Variants in SOX5 observed in about 807,000 individuals in gnomAD.
SOX5 encodes transcription factor SOX-5.
SOX5 carries 9 observed loss-of-function variants against 92.0 expected under a neutral mutation model. The observed-to-expected ratio is 0.10, with a 90% CI of 0.06 to 0.17. The LOEUF is 0.17. SOX5 is among the 10% of genes least tolerant of loss of function. SOX5 has a pLI of 1.00. For missense variants in SOX5, 642 were observed against 944.5 expected (o/e 0.68, Z 4.20); for synonymous variants, 344 against 336.3 (o/e 1.02, Z -0.25).
rs543012777 is a variant in SOX5, at chr12:23,778,145, A to T, written c.482-22421T>A. 2.8e-3 allele frequency among the ~76,000 whole-genome samples: 428 copies of T among 152,332 alleles called. 1 individual carries two copies. Among genetic ancestry groups the T allele is most frequent in the Non-Finnish European group, 2.3e-3 (156 of 68,020 alleles). On this transcript the variant is annotated intron_variant, in intron 3 of 14. Transcript: ENST00000451604. The stretch of plus-strand genomic sequence containing the variant: ...TTGTCCTTCCTAACTTTACAACTGT[A>T]ACCCAGTTTAAATGTGACTCCGTTG...
At position 23,621,312 on chromosome 12, in the gene SOX5, G is replaced by A. The variant is rs576703860; in HGVS notation, c.1018-16779C>T. Among the ~76,000 whole-genome samples, 10 of 152,070 alleles carry A rather than the reference G, an allele frequency of 6.6e-5. No individual in the cohort carries two copies. In the East Asian group the frequency reaches 1.9e-3, roughly 29 times the overall value. ...TGGGGGAAGAGGAAATAAGAAATAG[G>A]AAATAATTGATAAATACAGAGGTTC... is the stretch of plus-strand genomic sequence containing the variant. On this transcript the variant is annotated intron_variant, in intron 8 of 14. Coordinates refer to ENST00000451604, the MANE Select transcript of SOX5 (RefSeq NM_006940.6).
At chr12:23,691,965 T>C (rs991587805) in intron 6 of SOX5, among the ~76,000 whole-genome samples, 3 of 152,182 alleles carry the variant, frequency 2.0e-5, no homozygotes, top group Non-Finnish European at 1.5e-5. Context: ...CAGTGACTCA[T>C]TAATTTTCTT....
intron 7 of SOX5, among the ~76,000 whole-genome samples, chr12:23,654,856 G>A (rs2082116893): frequency 6.6e-6 from 1 of 151,944 alleles, no homozygotes; most frequent in Admixed American, 6.6e-5. Context: ...ATTCGAGAGA[G>A]TAAAATAAAT....
intron 1 of SOX5, among the ~76,000 whole-genome samples, chr12:24,497,293 G>C (rs1159198620): frequency 6.6e-6 from 1 of 152,146 alleles, no homozygotes; most frequent in Non-Finnish European, 1.5e-5. Context: ...TTTTGTTTGA[G>C]TATGTTTATT....
At chr12:23,539,252 A>G (rs1941367953) in intron 13 of SOX5, among the ~76,000 whole-genome samples, 1 of 152,166 alleles carries the variant, frequency 6.6e-6, no homozygotes, top group Non-Finnish European at 1.5e-5. Flanking sequence ...GTTTGTTTGT[A>G]TATTTCCTAC....
intron 9 of SOX5, among the ~76,000 whole-genome samples, chr12:23,581,547 G>A (rs190791677): frequency 0.011 from 1,726 of 152,006 alleles, 37 homozygotes; most frequent in African/African-American, 0.04. Flanking sequence ...CCAGTCTAAA[G>A]GCAACAGATA....
intron 4 of SOX5, among the ~76,000 whole-genome samples, chr12:24,112,446 C>A (rs1327668936): frequency 1.3e-5 from 2 of 151,578 alleles, no homozygotes; most frequent in East Asian, 1.9e-4. Context: ...GTCTGTTGAC[C>A]CCTATTGGAG....
intron 1 of SOX5, among the ~76,000 whole-genome samples, chr12:24,508,001 G>A (rs1391117761): frequency 6.6e-6 from 1 of 152,086 alleles, no homozygotes; most frequent in African/African-American, 2.4e-5. Context: ...ACTGACCCAA[G>A]GCAAAGTATG....
chr12:23,748,471 T>G (rs2094072330), intron 4 of SOX5, among the ~76,000 whole-genome samples: 1 of 151,994 alleles, frequency 6.6e-6, no homozygotes, highest in Non-Finnish European at 1.5e-5. Flanking sequence ...ATTGTTTTAC[T>G]CCACACAAAT....
At chr12:24,299,494 T>C (rs1306114667) in intron 2 of SOX5, among the ~76,000 whole-genome samples, 8 of 152,180 alleles carry the variant, frequency 5.3e-5, no homozygotes, top group South Asian at 4.1e-4. Flanking sequence ...TCAGAGATTA[T>C]AACCTATCCA....
chr12:24,187,903 T>C (rs1956172056), intron 4 of SOX5, among the ~76,000 whole-genome samples: 1 of 152,196 alleles, frequency 6.6e-6, no homozygotes, highest in African/African-American at 2.4e-5. Context: ...CCTATTAATA[T>C]CACTACTTAG....
At chr12:23,593,081 A>G (rs574344768) in intron 9 of SOX5, among the ~76,000 whole-genome samples, 1 of 84,238 alleles carries the variant, frequency 1.2e-5, no homozygotes, top group African/African-American at 3.1e-5. Flanking sequence ...CCTGTCTCAA[A>G]AATAAATAAA....
chr12:24,552,508 A>C (rs1953294887), intron 1 of SOX5, among the ~76,000 whole-genome samples: 1 of 152,242 alleles, frequency 6.6e-6, no homozygotes. Context: ...GTGGTTTTCA[A>C]CTGGCTGACT....
intron 8 of SOX5, among the ~76,000 whole-genome samples, chr12:23,624,388 C>T (rs556052807): frequency 1.3e-5 from 2 of 152,106 alleles, no homozygotes; most frequent in Admixed American, 1.3e-4. Context: ...ACAGAGGATT[C>T]ACACAAATTA....
At chr12:23,730,980 G>A (rs541806244) in intron 6 of SOX5, among the ~76,000 whole-genome samples, 1 of 152,288 alleles carries the variant, frequency 6.6e-6, no homozygotes, top group Admixed American at 6.5e-5. Context: ...AGTGGCCTAG[G>A]TGGGGAACAT....
chr12:23,648,694 T>C (rs928344991), intron 7 of SOX5, among the ~76,000 whole-genome samples: 1 of 152,112 alleles, frequency 6.6e-6, no homozygotes, highest in African/African-American at 2.4e-5. Flanking sequence ...CTATACAGCA[T>C]ACAGAGCTGT....
At chr12:24,040,701 T>C (rs1956429892) in intron 4 of SOX5, among the ~76,000 whole-genome samples, 1 of 152,050 alleles carries the variant, frequency 6.6e-6, no homozygotes, top group Admixed American at 6.5e-5. Flanking sequence ...TGAAACCCCA[T>C]CTCTACTGAA....
intron 4 of SOX5, among the ~76,000 whole-genome samples, chr12:24,147,987 A>T (rs1178373687): frequency 1.3e-5 from 2 of 152,194 alleles, no homozygotes; most frequent in Non-Finnish European, 2.9e-5. Flanking sequence ...CATTCCATAG[A>T]TTATGAACAA....
At chr12:24,426,260 T>C (rs1238481865) in intron 1 of SOX5, among the ~76,000 whole-genome samples, 1 of 150,934 alleles carries the variant, frequency 6.6e-6, no homozygotes, top group Non-Finnish European at 1.5e-5. Context: ...TAGGTGGGAA[T>C]TGAACAATGA....
Sources: gnomAD v4.1 joint callset for allele counts (sites outside exome capture counted in the v4.1 genomes callset) on GRCh38, gnomAD v4.1.1 for gene constraint, MANE v1.5 for transcripts, NCBI Gene and HGNC (gene_info 2026-07-23, HGNC 2026-07-21) for gene names.